GRIP1: variants seen among roughly 807,000 people sequenced by gnomAD.
GRIP1 encodes the protein glutamate receptor-interacting protein 1.
In GRIP1, 45 loss-of-function variants were observed where a neutral mutation model predicts 129.9. The ratio of observed to expected loss-of-function variants is 0.35; its 90% CI spans 0.27 to 0.44. The LOEUF (loss-of-function observed/expected upper bound fraction) is 0.44. Ranked by LOEUF, GRIP1 falls within the 20% of genes least tolerant of loss-of-function variation. The pLI, the probability that GRIP1 is intolerant of heterozygous loss-of-function variation, is 1.00. For synonymous variants in GRIP1, 530 were observed against 520.8 expected, an observed-to-expected ratio of 1.02 and a Z score of -0.24; for missense variants, 1,196 against 1,396.8, an observed-to-expected ratio of 0.86 and a Z score of 2.29.
chr12:66,607,024 AGT>A (rs528697993), intron 1 of GRIP1, among the ~76,000 whole-genome samples: 6 of 150,730 alleles, frequency 4.0e-5, no homozygotes, highest in Middle Eastern at 3.4e-3. Flanking sequence ...AAAGAGAGAG[AGT>A]GTGTGTGTGT....
At chr12:66,885,807 T>A (rs771800277) in intron 1 of GRIP1, among the ~76,000 whole-genome samples, 1 of 151,876 alleles carries the variant, frequency 6.6e-6, no homozygotes, top group South Asian at 2.1e-4. Flanking sequence ...GAAAGAAGAG[T>A]GAGTCAGCCT....
intron 2 of GRIP1, among the ~76,000 whole-genome samples, chr12:66,574,886 T>C (rs1393717392): frequency 6.6e-6 from 1 of 151,244 alleles, no homozygotes; most frequent in Non-Finnish European, 1.5e-5. Flanking sequence ...GCGATTCTTA[T>C]GCCTCATCTT....
At chr12:66,998,160 G>C (rs908775648) in intron 1 of GRIP1, among the ~76,000 whole-genome samples, 1 of 152,076 alleles carries the variant, frequency 6.6e-6, no homozygotes, top group African/African-American at 2.4e-5. Flanking sequence ...AAAAATTTTG[G>C]TTCCTCAGTG....
chr12:67,007,801 T>G (rs1416327418), intron 1 of GRIP1, among the ~76,000 whole-genome samples: 5 of 152,188 alleles, frequency 3.3e-5, no homozygotes, highest in Non-Finnish European at 7.3e-5. Context: ...GCCTTTGATA[T>G]CTATACTATC....
At chr12:66,621,694 A>G (rs2065274034) in intron 1 of GRIP1, among the ~76,000 whole-genome samples, 1 of 152,150 alleles carries the variant, frequency 6.6e-6, no homozygotes, top group Admixed American at 6.6e-5. Context: ...CAGCAGCTAC[A>G]CTATTTTATA....
intron 5 of GRIP1, among the ~76,000 whole-genome samples, chr12:66,527,895 T>C (rs574260483): frequency 7.2e-5 from 11 of 151,966 alleles, no homozygotes; most frequent in Admixed American, 3.3e-4. Flanking sequence ...GACAAAATTA[T>C]CTGTACCCCA....
intron 1 of GRIP1, among the ~76,000 whole-genome samples, chr12:66,924,496 T>C (rs1366820181): frequency 6.6e-6 from 1 of 152,184 alleles, no homozygotes; most frequent in Admixed American, 6.5e-5. Context: ...TTCTCTGAAT[T>C]CCTGTTGTCT....
At chr12:66,435,833 T>C (rs2058287892) in intron 13 of GRIP1, among the ~76,000 whole-genome samples, 1 of 152,242 alleles carries the variant, frequency 6.6e-6, no homozygotes, top group Non-Finnish European at 1.5e-5. Context: ...GAAATATTCA[T>C]AATGATGAAC....
chr12:66,553,769 T>C (rs1015558467), intron 2 of GRIP1, among the ~76,000 whole-genome samples: 1 of 151,858 alleles, frequency 6.6e-6, no homozygotes, highest in Non-Finnish European at 1.5e-5. Flanking sequence ...GCTGTGATTT[T>C]GGGACTTTGC....
At chr12:66,583,572 A>C (rs918985114) in intron 2 of GRIP1, among the ~76,000 whole-genome samples, 12 of 136,646 alleles carry the variant, frequency 8.8e-5, no homozygotes, top group African/African-American at 3.0e-4. Context: ...AAAAAAACAA[A>C]CAACCCCATC....
At position 66,841,897 on chromosome 12, in the gene GRIP1, A is replaced by G. The variant is rs548790336; in HGVS notation, c.58+227153T>C. Among the ~76,000 whole-genome samples the G allele has an allele frequency of 4.3e-4, 66 of 152,336 alleles. 3 individuals are homozygous for G. In the South Asian group the frequency reaches 0.01, roughly 24 times the overall value. On this transcript the variant is annotated intron_variant, in intron 1 of 1. Transcript: ENST00000643019. ...CAAAGTAGGCAAAATACTTAAAGACACACATAATAAAAATACAGATTTTAA... is the reference window on the plus strand; with the variant it reads ...CAAAGTAGGCAAAATACTTAAAGACGCACATAATAAAAATACAGATTTTAA...
chr12:66,976,280 G>GA (rs1375427026), intron 1 of GRIP1, among the ~76,000 whole-genome samples: 4 of 152,074 alleles, frequency 2.6e-5, no homozygotes, highest in African/African-American at 4.8e-5. Context: ...GTGATCCTTT[G>GA]ATTACCAGTG....
chr12:66,685,024 C>T (rs1468873325), intron 1 of GRIP1, among the ~76,000 whole-genome samples: 1 of 152,144 alleles, frequency 6.6e-6, no homozygotes, highest in African/African-American at 2.4e-5. Flanking sequence ...CTCACTACAT[C>T]ATCACCCTCT....
intron 2 of GRIP1, among the ~76,000 whole-genome samples, chr12:66,591,788 C>G (rs2063856274): frequency 1.3e-5 from 2 of 151,954 alleles, no homozygotes; most frequent in Admixed American, 1.3e-4. Flanking sequence ...TGCCACCATC[C>G]CCAGCTGATT....
At chr12:66,667,705 T>TG (rs1040696845) in intron 1 of GRIP1, among the ~76,000 whole-genome samples, 12 of 152,060 alleles carry the variant, frequency 7.9e-5, no homozygotes, top group African/African-American at 2.9e-4. Context: ...AGGGCTTTCT[T>TG]GGGGGGTCAT....
chr12:66,806,050 C>G (rs2038986173), upstream of GRIP1, among the ~76,000 whole-genome samples: 1 of 140,194 alleles, frequency 7.1e-6, no homozygotes, highest in African/African-American at 2.7e-5. Context: ...GAACAATTAA[C>G]AAATAATGAA....
chr12:66,985,445 T>C (rs1207768309), intron 1 of GRIP1, among the ~76,000 whole-genome samples: 3 of 152,192 alleles, frequency 2.0e-5, no homozygotes, highest in Non-Finnish European at 4.4e-5. Flanking sequence ...AATGTCCTAC[T>C]ATAATTAAAC....
chr12:66,986,726 C>A (rs950496801), intron 1 of GRIP1, among the ~76,000 whole-genome samples: 2 of 144,520 alleles, frequency 1.4e-5, no homozygotes, highest in African/African-American at 5.1e-5. Context: ...ATACCTAATG[C>A]TAAATGACGA....
chr12:66,734,654 A>AT (rs1565994462), intron 1 of GRIP1, among the ~76,000 whole-genome samples: 3 of 152,194 alleles, frequency 2.0e-5, no homozygotes, highest in Non-Finnish European at 4.4e-5. Context: ...TAAACAAGAT[A>AT]TTTTAAAAAG....
Sources: gnomAD v4.1 joint callset for allele counts (sites outside exome capture counted in the v4.1 genomes callset) on GRCh38, gnomAD v4.1.1 for gene constraint, MANE v1.5 for transcripts, NCBI Gene and HGNC (gene_info 2026-07-23, HGNC 2026-07-21) for gene names.